The following ANO3 variants were observed in gnomAD, a reference collection of about 807,000 sequenced individuals.
The protein encoded by ANO3 is anoctamin-3.
ANO3 carries 99 observed loss-of-function variants against 144.8 expected under a neutral mutation model. That is an observed-to-expected ratio of 0.68 (90% confidence interval 0.58 to 0.81). The LOEUF (loss-of-function observed/expected upper bound fraction) is 0.81, where lower values mean the gene tolerates loss of function less well. ANO3 is among the 30% of genes least tolerant of loss of function. The probability of loss-of-function intolerance (pLI) is 0.00; values close to 1 mark genes in which losing one functional copy is unlikely to be tolerated. For missense variants in ANO3, 905 were observed against 1,202.2 expected, an observed-to-expected ratio of 0.75 and a Z score of 3.66; for synonymous variants, 414 against 392.6, an observed-to-expected ratio of 1.05 and a Z score of -0.64.
chr11:26,479,447 A>G (rs931449842), intron 4 of ANO3, among the ~76,000 whole-genome samples: 3 of 152,180 alleles, frequency 2.0e-5, no homozygotes, highest in African/African-American at 7.2e-5. Flanking sequence ...ACAGTTCCAC[A>G]TGGCTGGGGA....
chr11:26,486,028 A>G (rs1388926924), intron 4 of ANO3, among the ~76,000 whole-genome samples: 1 of 152,032 alleles, frequency 6.6e-6, no homozygotes, highest in South Asian at 2.1e-4. Flanking sequence ...AGAAATGTGT[A>G]TATCAATAAA....
At chr11:26,284,699 A>T (rs1055664087) in intron 1 of ANO3, among the ~76,000 whole-genome samples, 1 of 151,964 alleles carries the variant, frequency 6.6e-6, no homozygotes, top group Admixed American at 6.6e-5. Context: ...GGAGATCCAG[A>T]CCATCCTGGC....
intron 14 of ANO3, among the ~76,000 whole-genome samples, chr11:26,574,641 G>A (rs887358493): frequency 6.6e-5 from 10 of 152,056 alleles, no homozygotes; most frequent in Non-Finnish European, 7.4e-5. Context: ...GCTGGGAAAT[G>A]TATTTGGGGA....
intron 1 of ANO3, among the ~76,000 whole-genome samples, chr11:26,281,487 A>G (rs1476525141): frequency 6.6e-6 from 1 of 152,156 alleles, no homozygotes; most frequent in Non-Finnish European, 1.5e-5. Flanking sequence ...AGATGACTTG[A>G]GGGAGAGGTT....
chr11:26,609,056 C>G (rs901440538), intron 17 of ANO3, among the ~76,000 whole-genome samples: 10 of 152,170 alleles, frequency 6.6e-5, no homozygotes, highest in Non-Finnish European at 8.8e-5. Flanking sequence ...GGACCCTAGT[C>G]CCCAGTGGCA....
chr11:26,622,265 T>C (rs1270570624), intron 17 of ANO3, among the ~76,000 whole-genome samples: 1 of 152,076 alleles, frequency 6.6e-6, no homozygotes, highest in Non-Finnish European at 1.5e-5. Context: ...GTTGCAGATA[T>C]TGCCATCCTA....
intron 1 of ANO3, among the ~76,000 whole-genome samples, chr11:26,370,948 C>A (rs898831766): frequency 1.3e-5 from 2 of 152,138 alleles, no homozygotes; most frequent in African/African-American, 2.4e-5. Context: ...AAAAGAAAAA[C>A]CCATTTTTGG....
At chr11:26,385,066 G>T (rs1198144023) in intron 1 of ANO3, among the ~76,000 whole-genome samples, 6 of 151,818 alleles carry the variant, frequency 4.0e-5, no homozygotes, top group Non-Finnish European at 8.8e-5. Flanking sequence ...TTCTCACATG[G>T]TATTAATATT....
At chr11:26,622,430 G>GAAAAA (rs72360962) in intron 17 of ANO3, among the ~76,000 whole-genome samples, 4 of 134,126 alleles carry the variant, frequency 3.0e-5, no homozygotes, top group African/African-American at 1.1e-4. Flanking sequence ...AGCCATCTCT[G>GAAAAA]AAAAAAAAAA....
intron 1 of ANO3, among the ~76,000 whole-genome samples, chr11:26,271,084 C>A (rs960260344): frequency 6.6e-6 from 1 of 152,124 alleles, no homozygotes; most frequent in Non-Finnish European, 1.5e-5. Flanking sequence ...AGCTAAGGGC[C>A]TAGATTTAAT....
intron 1 of ANO3, among the ~76,000 whole-genome samples, chr11:26,246,034 A>G (rs1852783808): frequency 6.6e-6 from 1 of 152,180 alleles, no homozygotes; most frequent in Non-Finnish European, 1.5e-5. Flanking sequence ...CTTTGGGTAG[A>G]TAAGGGAAAT....
chr11:26,578,900 TTC>T (rs1269086259), intron 14 of ANO3, among the ~76,000 whole-genome samples: 3 of 152,184 alleles, frequency 2.0e-5, no homozygotes, highest in Admixed American at 2.0e-4. Flanking sequence ...ATACGTGATA[TTC>T]TGTTTTGTGG....
intron 14 of ANO3, chr11:26,572,334 C>T: frequency 7.9e-6 from 6 of 755,426 alleles, no homozygotes; most frequent in Non-Finnish European, 9.7e-6. Context: ...ATAGGTTGAT[C>T]GTTTTAGCTT....
chr11:26,193,065 G>GCT (rs1392378932), intron 1 of ANO3, among the ~76,000 whole-genome samples: 1 of 151,006 alleles, frequency 6.6e-6, no homozygotes, highest in Non-Finnish European at 1.5e-5. Context: ...TTGTCCTAAT[G>GCT]CTCTCCCTGC....
At chr11:26,294,254 G>A (rs551275863) in intron 1 of ANO3, among the ~76,000 whole-genome samples, 8 of 152,236 alleles carry the variant, frequency 5.3e-5, no homozygotes, top group South Asian at 2.1e-4. Context: ...CATGAATTCC[G>A]TAAGACTGTT....
In ANO3 at chr11:26,381,682, A is replaced by G. The variant is rs949311593; in HGVS notation, c.46+49361A>G. On this transcript the variant is annotated intron_variant, in intron 1 of 26. Coordinates refer to ENST00000256737, the MANE Select transcript of ANO3 (RefSeq NM_031418.4). ...TGGCTGTCATATACACAGCTGGTAA[A>G]TCCTCATTCTTGCCATATCTCTACC... 2.6e-5 allele frequency among the ~76,000 whole-genome samples: 4 copies of G among 152,168 alleles called. No homozygotes were observed. The South Asian group carries it at 8.3e-4, about 32-fold the overall frequency.
chr11:26,278,355 A>G (rs925711628), intron 1 of ANO3, among the ~76,000 whole-genome samples: 3 of 152,156 alleles, frequency 2.0e-5, no homozygotes. Context: ...TTAAACCAGT[A>G]TTAGGATAAT....
chr11:26,373,089 T>C (rs1409623635), intron 1 of ANO3, among the ~76,000 whole-genome samples: 1 of 152,194 alleles, frequency 6.6e-6, no homozygotes, highest in Admixed American at 6.6e-5. Context: ...ATGGCAATTA[T>C]GTATATACGG....
At chr11:26,441,339 G>T (rs968469716) in intron 1 of ANO3, among the ~76,000 whole-genome samples, 1 of 150,946 alleles carries the variant, frequency 6.6e-6, no homozygotes, top group African/African-American at 2.4e-5. Flanking sequence ...GGATGGTCTC[G>T]ATCTCCTGAC....
Sources: gnomAD v4.1 joint callset for allele counts (sites outside exome capture counted in the v4.1 genomes callset) on GRCh38, gnomAD v4.1.1 for gene constraint, MANE v1.5 for transcripts, NCBI Gene and HGNC (gene_info 2026-07-23, HGNC 2026-07-21) for gene names.